ODAD2: variants seen among roughly 807,000 people sequenced by gnomAD.
ODAD2 encodes the protein outer dynein arm docking complex subunit 2, also known as outer dynein arm-docking complex subunit 2.
A neutral mutation model predicts 106.8 loss-of-function variants in ODAD2; 89 were observed. The ratio of observed to expected loss-of-function variants is 0.83; its 90% CI spans 0.70 to 0.99. ODAD2 has a LOEUF of 0.99. Ranked by LOEUF, ODAD2 falls within the 50% of genes least tolerant of loss-of-function variation. ODAD2 has a pLI of 0.00. For missense variants in ODAD2, 1,168 were observed against 1,238.5 expected (o/e 0.94, Z 0.85); for synonymous variants, 404 against 436.2 (o/e 0.93, Z 0.92).
intron 19 of ODAD2, among the ~76,000 whole-genome samples, chr10:27,859,030 A>G (rs1839856854): frequency 1.4e-5 from 2 of 147,024 alleles, no homozygotes; most frequent in Non-Finnish European, 3.0e-5. Context: ...AGACATTTTT[A>G]CCTGGCTACT....
At chr10:27,948,571 C>T (rs1022966907) in intron 10 of ODAD2, among the ~76,000 whole-genome samples, 5 of 152,046 alleles carry the variant, frequency 3.3e-5, no homozygotes, top group Non-Finnish European at 5.9e-5. Context: ...TTTACCAATA[C>T]TTATTTTCAC....
At chr10:27,843,763 T>C (rs534818902) in intron 19 of ODAD2, among the ~76,000 whole-genome samples, 9 of 151,670 alleles carry the variant, frequency 5.9e-5, no homozygotes, top group African/African-American at 1.9e-4. Flanking sequence ...CAATACTCTG[T>C]CTCAAAAAAA....
At chr10:27,916,249 G>A (rs1844369195) in intron 16 of ODAD2, among the ~76,000 whole-genome samples, 1 of 152,118 alleles carries the variant, frequency 6.6e-6, no homozygotes, top group Admixed American at 6.6e-5. Context: ...AGGGGAAGGT[G>A]GCCTAACATG....
At chr10:27,874,492 C>G (rs1339691883) in intron 17 of ODAD2, among the ~76,000 whole-genome samples, 2 of 152,130 alleles carry the variant, frequency 1.3e-5, no homozygotes, top group Non-Finnish European at 2.9e-5. Context: ...GTGGCTGGTA[C>G]CAGCTGTTCC....
chr10:27,921,886 GCCGGGCGCCTTGGCTCATGCCTGTAAT>G lies in ODAD2; in HGVS notation c.2495+13097_2495+13123del, dbSNP rs1488162932. ...AGAACTTGGGAATCAAGAACTTTAG[GCCGGGCGCCTTGGCTCATGCCTGTAAT>G]CCCAGTACTTTGGGAGGCCAAGGAG... On this transcript the variant is annotated intron_variant, in intron 16 of 19. Transcript: ENST00000305242. Among the ~76,000 whole-genome samples the G allele has an allele frequency of 6.0e-5, 9 of 150,488 alleles. No homozygotes were observed. The South Asian group carries it at 6.3e-4, about 11-fold the overall frequency.
chr10:27,979,895 G>A (rs946826569), intron 7 of ODAD2, among the ~76,000 whole-genome samples: 12 of 152,026 alleles, frequency 7.9e-5, no homozygotes, highest in African/African-American at 2.4e-4. Flanking sequence ...AAGGAATACC[G>A]AATAGCCAAA....
At chr10:27,958,748 A>G in intron 10 of ODAD2, 2 of 867,282 alleles carry the variant, frequency 2.3e-6, no homozygotes, top group Non-Finnish European at 3.1e-6. Flanking sequence ...ATTTCATTTA[A>G]TATTCTTAAT....
At chr10:27,901,127 C>G (rs962701178) in intron 17 of ODAD2, among the ~76,000 whole-genome samples, 13 of 152,174 alleles carry the variant, frequency 8.5e-5, no homozygotes, top group Non-Finnish European at 1.8e-4. Flanking sequence ...TGCAAAAACT[C>G]TACAAGCCAA....
intron 17 of ODAD2, among the ~76,000 whole-genome samples, chr10:27,891,057 C>A (rs953132725): frequency 8.5e-5 from 13 of 152,150 alleles, no homozygotes; most frequent in Non-Finnish European, 1.6e-4. Context: ...TGAAACTAAA[C>A]CCCTCCACAA....
chr10:27,853,365 T>TATAAATAA (rs143299831), intron 19 of ODAD2: 116,726 of 258,918 alleles, frequency 0.45, 31,165 homozygotes, highest in Middle Eastern at 0.58. Flanking sequence ...AGACTCTGTC[T>TATAAATAA]ATAAATAAAT....
chr10:27,974,286 CT>C (rs1464765156), intron 7 of ODAD2, among the ~76,000 whole-genome samples: 2 of 152,098 alleles, frequency 1.3e-5, no homozygotes, highest in Non-Finnish European at 2.9e-5. Context: ...TTAGATCCCA[CT>C]TGTCAATTTT....
At chr10:27,958,561 T>A (rs1208939155) in intron 10 of ODAD2, among the ~76,000 whole-genome samples, 3 of 152,152 alleles carry the variant, frequency 2.0e-5, no homozygotes, top group Non-Finnish European at 2.9e-5. Flanking sequence ...ATTAACTCAC[T>A]CTACTTCCCC....
chr10:27,851,085 G>C (rs1392166883), intron 19 of ODAD2, among the ~76,000 whole-genome samples: 1 of 152,122 alleles, frequency 6.6e-6, no homozygotes, highest in Non-Finnish European at 1.5e-5. Flanking sequence ...GAAACTGTTT[G>C]AGGGCAGGAA....
chr10:27,886,691 C>A (rs188203268), intron 17 of ODAD2, among the ~76,000 whole-genome samples: 2 of 152,064 alleles, frequency 1.3e-5, no homozygotes, highest in African/African-American at 4.8e-5. Context: ...AAAAATTATG[C>A]ATGTCAATGA....
chr10:27,978,029 T>C (rs1849308677), intron 7 of ODAD2, among the ~76,000 whole-genome samples: 1 of 152,240 alleles, frequency 6.6e-6, no homozygotes, highest in Admixed American at 6.5e-5. Context: ...ACATTGAAAC[T>C]ATATGATCAT....
At chr10:27,905,654 G>C (rs532804210) in intron 17 of ODAD2, among the ~76,000 whole-genome samples, 1 of 152,230 alleles carries the variant, frequency 6.6e-6, no homozygotes, top group South Asian at 2.1e-4. Flanking sequence ...GCATGGTACT[G>C]GTACCAAAAC....
chr10:27,960,806 G>A (rs1255247751), intron 10 of ODAD2, among the ~76,000 whole-genome samples: 2 of 152,204 alleles, frequency 1.3e-5, no homozygotes, highest in Admixed American at 1.3e-4. Context: ...TGAAAAAGCA[G>A]AAAGAAACCA....
chr10:27,983,701 G>T, intron 6 of ODAD2, 142 bp downstream of exon 6: 1 of 799,574 alleles, frequency 1.3e-6, no homozygotes, highest in Non-Finnish European at 1.9e-6. Flanking sequence ...GATTTGCCCA[G>T]CAAGCATATA....
chr10:27,991,538 T>C (rs1439341679), intron 2 of ODAD2, among the ~76,000 whole-genome samples: 1 of 152,230 alleles, frequency 6.6e-6, no homozygotes, highest in East Asian at 1.9e-4. Flanking sequence ...ACAGTGCATT[T>C]GGAATGTGCA....
Sources: allele counts gnomAD v4.1 joint callset (sites outside exome capture counted in the v4.1 genomes callset), GRCh38; gene constraint gnomAD v4.1.1; transcripts MANE v1.5; gene names NCBI Gene and HGNC (gene_info 2026-07-23, HGNC 2026-07-21).